MLXIP: variants seen among roughly 807,000 people sequenced by gnomAD.
MLXIP encodes the protein MLX-interacting protein.
A neutral mutation model predicts 87.2 loss-of-function variants in MLXIP; 30 were observed. That is an observed-to-expected ratio of 0.34 (90% CI 0.26 to 0.47). MLXIP has a LOEUF of 0.47. Among genes scored for constraint, MLXIP ranks in the 20% least tolerant of loss-of-function variants. The pLI, the probability that MLXIP is intolerant of heterozygous loss-of-function variation, is 1.00. For synonymous variants in MLXIP, 530 were observed against 514.0 expected, an observed-to-expected ratio of 1.03 and a Z score of -0.42; for missense variants, 1,002 against 1,240.1, an observed-to-expected ratio of 0.81 and a Z score of 2.88.
rs34819420 is a variant in MLXIP at position 122,107,466 on chromosome 12, T to TG, written c.414-19789dup. On this transcript the variant is annotated intron_variant, in intron 1 of 16. Coordinates refer to ENST00000319080, the MANE Select transcript of MLXIP (RefSeq NM_014938.6). ...GCCACAGTGGCCTAGAGGCTTTAAT[T>TG]GTGCGGTTCCCACAGCACAGTGAGT... Among the ~76,000 whole-genome samples, 456 of 152,188 alleles carry TG rather than the reference T, an allele frequency of 3.0e-3. 6 individuals carry two copies. Among genetic ancestry groups the TG allele is most frequent in the East Asian group, 0.023 (117 of 5,180 alleles).
In MLXIP at chr12:122,078,951, C is replaced by T. The variant is rs1188320895; in HGVS notation, c.98C>T (p.Ser33Leu). ...KPQVSEDDDD[S>L]DTDEPSPPPA... ...CAGGTGTCCGAGGACGACGACGACT[C>T]GGACACGGATGAGCCGTCCCCGCCG... Residue 33 changes from serine to leucine, a missense_variant, in exon 1 of 17, where the codon TCG becomes TTG. Ser to Leu is a moderately radical substitution (Grantham distance 145). Coordinates refer to ENST00000319080, the MANE Select transcript of MLXIP (RefSeq NM_014938.6). The T allele has an allele frequency of 1.8e-6, 2 of 1,114,504 alleles. No homozygotes were observed. Among genetic ancestry groups the T allele is most frequent in the East Asian group, 1.4e-4 (2 of 14,702 alleles). 69.0% of individuals were successfully genotyped at this position (1,114,504 alleles called of 1,614,324 possible).
Position 122,141,839 on chromosome 12 carries a change from A to G in MLXIP, c.*27A>G, listed in dbSNP as rs767887375. On this transcript the variant is annotated 3_prime_UTR_variant, in exon 17 of 17. Transcript: ENST00000319080. ...TGCTTAGCTGGCATGTGGCCGCATG[A>G]GATGCCAGGAGACCCTTCCCTGCCC... is the stretch of plus-strand genomic sequence containing the variant. 1 of 1,610,828 alleles carries G rather than the reference A, an allele frequency of 6.2e-7. No homozygotes were observed. Among genetic ancestry groups the G allele is most frequent in the African/African-American group, 1.3e-5 (1 of 75,008 alleles).
intron 7 of MLXIP, among the ~76,000 whole-genome samples, chr12:122,131,678 T>C (rs1952981688): frequency 2.0e-5 from 3 of 151,872 alleles, no homozygotes; most frequent in Admixed American, 2.0e-4. Flanking sequence ...CTCCTGCCTC[T>C]GCTTCCCAAA....
chr12:122,128,911 G>T (rs886858508), intron 3 of MLXIP: 4 of 557,966 alleles, frequency 7.2e-6, no homozygotes, highest in African/African-American at 5.7e-5. Context: ...TGCCCCCAAG[G>T]CCTTTGGCTA....
chr12:122,120,393 T>G (rs968122313), intron 1 of MLXIP, among the ~76,000 whole-genome samples: 1 of 152,018 alleles, frequency 6.6e-6, no homozygotes, highest in Non-Finnish European at 1.5e-5. Context: ...CAGCTGATTT[T>G]CTGATTTTTT....
chr12:122,088,862 T>G lies in MLXIP; in HGVS notation c.413+9596T>G, dbSNP rs1013473051. Reference sequence around the variant, plus strand: ...TAGTTTTCGGATATTCACCCAGTATTCTAGCTTTTTAAAGAACAGCCTGAA... The same window carrying G: ...TAGTTTTCGGATATTCACCCAGTATGCTAGCTTTTTAAAGAACAGCCTGAA... On this transcript the variant is annotated intron_variant, in intron 1 of 16. Coordinates refer to ENST00000319080, the MANE Select transcript of MLXIP (RefSeq NM_014938.6). Among the ~76,000 whole-genome samples, 56 of 151,924 alleles carry G rather than the reference T, an allele frequency of 3.7e-4. 1 individual carries two copies. The highest frequency in any genetic ancestry group is 2.4e-5 in the African/African-American group (1 of 41,356).
chr12:122,110,016 G>C (rs1291511533), intron 1 of MLXIP, among the ~76,000 whole-genome samples: 2 of 152,122 alleles, frequency 1.3e-5, no homozygotes, highest in African/African-American at 4.8e-5. Flanking sequence ...TGCTCTGGGT[G>C]CCTCTCATTT....
chr12:122,094,432 GTGTA>G lies in MLXIP; in HGVS notation c.413+15169_413+15172del, dbSNP rs1242662120. Among the ~76,000 whole-genome samples, 3 of 145,594 alleles carry G rather than the reference GTGTA, an allele frequency of 2.1e-5. No homozygotes were observed. In the East Asian group the frequency reaches 6.2e-4, roughly 30 times the overall value. On this transcript the variant is annotated intron_variant, in intron 1 of 16. Transcript: ENST00000319080. ...TGTGGTGTGTGTGGGGTGTGGGTGT[GTGTA>G]TGCGGTGTCTGGTGTGGTATTGGTG...
intron 1 of MLXIP, among the ~76,000 whole-genome samples, chr12:122,084,918 AAAAT>A (rs1442832391): frequency 6.6e-6 from 1 of 152,222 alleles, no homozygotes; most frequent in Non-Finnish European, 1.5e-5. Context: ...CTCATTTTAA[AAAAT>A]AAATAAGTAA....
At chr12:122,130,229 G>A in intron 6 of MLXIP, 117 bp downstream of exon 6, 1 of 1,075,542 alleles carries the variant, frequency 9.3e-7, no homozygotes, top group Non-Finnish European at 1.3e-6. Flanking sequence ...TCACGGTTGG[G>A]GGCAGGCAGT....
intron 1 of MLXIP, among the ~76,000 whole-genome samples, chr12:122,082,961 C>T (rs953786734): frequency 2.6e-5 from 4 of 152,276 alleles, no homozygotes; most frequent in African/African-American, 9.6e-5. Flanking sequence ...GCTGGGACTG[C>T]GGGCACGCAC....
intron 1 of MLXIP, among the ~76,000 whole-genome samples, chr12:122,123,668 C>G (rs542014300): frequency 6.6e-6 from 1 of 152,144 alleles, no homozygotes; most frequent in Non-Finnish European, 1.5e-5. Context: ...TGCTGTACCC[C>G]CTGCCTTCAG....
intron 1 of MLXIP, among the ~76,000 whole-genome samples, chr12:122,085,343 T>C (rs1306982821): frequency 6.6e-6 from 1 of 151,960 alleles, no homozygotes; most frequent in Non-Finnish European, 1.5e-5. Flanking sequence ...AGATTAAGAA[T>C]CATCTGATGG....
chr12:122,133,655 C>T lies in MLXIP; in HGVS notation c.1400C>T (p.Thr467Ile). The T allele has an allele frequency of 2.5e-6, 4 of 1,613,552 alleles. No individual in the cohort carries two copies. The highest frequency in any genetic ancestry group is 2.5e-6 in the Non-Finnish European group (3 of 1,179,776). ...GCCCTGAACCCCCCGGCTCCACCCA[C>T]CTTCCATCAGCCACAGAAGTTTGCT... ...ATALNPPAPPTFHQPQKFAGV... is the reference protein window; with the variant it reads ...ATALNPPAPPIFHQPQKFAGV... The change falls in exon 9 of 17, where the codon ACC becomes ATC. Residue 467 changes from threonine (T) to isoleucine (I), a missense_variant. Transcript: ENST00000319080. This position sits in a 1 kb window ranked among gnomAD's most constrained non-coding sequence, Gnocchi z 4.9.
In MLXIP at chr12:122,135,690, G is replaced by A. The variant is rs1427714587; in HGVS notation, c.2032+24G>A. On this transcript the variant is annotated intron_variant, in intron 11 of 16. Coordinates refer to ENST00000319080, the MANE Select transcript of MLXIP (RefSeq NM_014938.6). The surrounding 1 kb of genome is among the most constrained non-coding windows in gnomAD (Gnocchi z 5.3). ...CAGTGAGTGTTCACTCGGCGGGATG[G>A]TTGGGGCATCGCAAGGGAAGTAACT... 6.8e-7 allele frequency: 1 copy of A among 1,465,622 alleles called. No individual in the cohort carries two copies. The highest frequency in any genetic ancestry group is 9.0e-7 in the Non-Finnish European group (1 of 1,109,256). 90.8% of individuals were successfully genotyped at this position (1,465,622 alleles called of 1,614,324 possible). A position where few individuals can be genotyped will look rare whatever the true frequency, so the allele number is the denominator to read the frequency against.
chr12:122,089,009 CAAAAAAAAAAA>C (rs1177216284), intron 1 of MLXIP, among the ~76,000 whole-genome samples: 2 of 47,838 alleles, frequency 4.2e-5, no homozygotes, highest in Admixed American at 2.1e-4. Flanking sequence ...CCCATCTCTA[CAAAAAAAAAAA>C]AAAAAAAAAA....
chr12:122,143,631 G>A lies in MLXIP; in HGVS notation c.*1819G>A, dbSNP rs1008319319. The A allele has an allele frequency of 5.3e-5, 8 of 152,354 alleles. No homozygotes were observed. Among genetic ancestry groups the A allele is most frequent in the African/African-American group, 7.2e-5 (3 of 41,464 alleles). The allele number at this position is 152,354 out of a possible 1,614,324, so 9.4% of individuals were successfully genotyped here. ...AAGAACCCACCGTGTCTGGCTGTGC[G>A]GGCCCTGGGGAGGGTCGTGAGTGCA... On this transcript the variant is annotated 3_prime_UTR_variant, in exon 17 of 17. Transcript: ENST00000319080.
intron 1 of MLXIP, among the ~76,000 whole-genome samples, chr12:122,119,947 A>G (rs1343017882): frequency 6.6e-6 from 1 of 152,198 alleles, no homozygotes; most frequent in African/African-American, 2.4e-5. Flanking sequence ...CCCCAGCACC[A>G]GCTTAGTGAC....
In MLXIP at chr12:122,143,512, C is replaced by T. The variant is rs1384608086; in HGVS notation, c.*1700C>T. 1 of 152,342 alleles carries T rather than the reference C, an allele frequency of 6.6e-6. No homozygotes were observed. Among genetic ancestry groups the T allele is most frequent in the Non-Finnish European group, 1.5e-5 (1 of 68,138 alleles). 9.4% of individuals were successfully genotyped at this position (152,342 alleles called of 1,614,324 possible). A position where few individuals can be genotyped will look rare whatever the true frequency, so the allele number is the denominator to read the frequency against. ...ATTTCCCCTGGAAAATGGTAACAGA[C>T]TCCATCCTTGACCCGGGGATGAGCA... On this transcript the variant is annotated 3_prime_UTR_variant, in exon 17 of 17. Coordinates refer to ENST00000319080, the MANE Select transcript of MLXIP (RefSeq NM_014938.6).
Sources: allele counts gnomAD v4.1 joint callset (sites outside exome capture counted in the v4.1 genomes callset), GRCh38; gene constraint gnomAD v4.1.1; non-coding constraint Gnocchi (gnomAD v3.1); transcripts MANE v1.5; gene names NCBI Gene and HGNC (gene_info 2026-07-23, HGNC 2026-07-21).